MTSS1: variants seen among roughly 807,000 people sequenced by gnomAD.
The protein encoded by MTSS1 is MTSS I-BAR domain containing 1.
MTSS1 carries 18 observed loss-of-function variants against 79.0 expected under a neutral mutation model. That is an observed-to-expected ratio of 0.23 (90% CI 0.16 to 0.34). The LOEUF is 0.34. MTSS1 is among the 10% of genes least tolerant of loss of function. The pLI is 1.00. For missense variants in MTSS1, 815 were observed against 986.2 expected, an observed-to-expected ratio of 0.83 and a Z score of 2.33; for synonymous variants, 341 against 368.6, an observed-to-expected ratio of 0.93 and a Z score of 0.86.
intron 3 of MTSS1, among the ~76,000 whole-genome samples, chr8:124,674,199 C>T (rs1043683144): frequency 5.3e-5 from 8 of 152,166 alleles, no homozygotes; most frequent in Middle Eastern, 3.4e-3. Context: ...GCCACAATCT[C>T]GGCTCACTGC....
intron 3 of MTSS1, among the ~76,000 whole-genome samples, chr8:124,606,672 G>A (rs879836049): frequency 9.4e-5 from 14 of 148,408 alleles, no homozygotes; most frequent in African/African-American, 3.3e-4. Context: ...CCCCACCCCC[G>A]ATCCTATAAC....
intron 1 of MTSS1, among the ~76,000 whole-genome samples, chr8:124,713,875 G>A (rs767009478): frequency 1.6e-4 from 24 of 151,808 alleles, no homozygotes; most frequent in Non-Finnish European, 3.1e-4. Context: ...AGTCCCCCAA[G>A]TAGCTGGGAC....
chr8:124,589,751 G>T, intron 4 of MTSS1, 40 bp from the exon 5 acceptor site: 1 of 1,331,396 alleles, frequency 7.5e-7, no homozygotes, highest in Non-Finnish European at 1.1e-6. Context: ...AAATTAAATA[G>T]ATACATTCTG....
rs532421276 is a variant in MTSS1 at position 124,624,187 on chromosome 8, G to A, written c.209-32952C>T. Reference sequence around the variant, plus strand: ...AGACTCATATAGGACAGAAGAAGAAGACAGCCCCCGTCCTCAATGAGTGGA... The same window carrying A: ...AGACTCATATAGGACAGAAGAAGAAAACAGCCCCCGTCCTCAATGAGTGGA... On this transcript the variant is annotated intron_variant, in intron 3 of 13. Transcript: ENST00000518547. 8.5e-5 allele frequency among the ~76,000 whole-genome samples: 13 copies of A among 152,328 alleles called. No homozygotes were observed. In the South Asian group the frequency reaches 2.7e-3, roughly 32 times the overall value.
At chr8:124,657,825 A>G (rs1164326390) in intron 3 of MTSS1, among the ~76,000 whole-genome samples, 1 of 152,186 alleles carries the variant, frequency 6.6e-6, no homozygotes, top group African/African-American at 2.4e-5. Context: ...AAGCTTTATA[A>G]AATGAAGTCC....
At chr8:124,705,181 G>A (rs1425828366) in intron 1 of MTSS1, among the ~76,000 whole-genome samples, 2 of 152,220 alleles carry the variant, frequency 1.3e-5, no homozygotes, top group East Asian at 3.9e-4. Flanking sequence ...TTTAAGTACA[G>A]AACTAAGGGC....
In MTSS1 at chr8:124,597,037, C is replaced by T. The variant is rs1366364967; in HGVS notation, c.209-5802G>A. 1.3e-5 allele frequency among the ~76,000 whole-genome samples: 2 copies of T among 152,186 alleles called. No individual in the cohort carries two copies. Among genetic ancestry groups the T allele is most frequent in the East Asian group, 1.9e-4 (1 of 5,198 alleles). ...GCCAGGGATTAGGACATCAACCTAT[C>T]TTTCTGGGGGTGCGCCGCAGTCCAC... On this transcript the variant is annotated intron_variant, in intron 3 of 13. Transcript: ENST00000518547. This position sits in a 1 kb window ranked among gnomAD's most constrained non-coding sequence, Gnocchi z 4.6.
intron 3 of MTSS1, among the ~76,000 whole-genome samples, chr8:124,595,768 TA>T (rs930330272): frequency 1.3e-5 from 2 of 151,880 alleles, no homozygotes; most frequent in Non-Finnish European, 2.9e-5. Flanking sequence ...TCATGGCCAT[TA>T]AAAAAAGGTA....
chr8:124,657,475 C>CAAA (rs58258455), intron 3 of MTSS1, among the ~76,000 whole-genome samples: 1,134 of 106,960 alleles, frequency 0.011, 17 homozygotes, highest in African/African-American at 0.035. Flanking sequence ...GCAGAGTCAG[C>CAAA]AAAAAAAAAA....
chr8:124,728,285 A>C lies in MTSS1; in HGVS notation c.-330T>G. The C allele has an allele frequency of 1.8e-5, 4 of 218,224 alleles. No homozygotes were observed. Among genetic ancestry groups the C allele is most frequent in the East Asian group, 9.4e-5 (1 of 10,648 alleles). 13.5% of individuals were successfully genotyped at this position (218,224 alleles called of 1,614,324 possible). On this transcript the variant is annotated 5_prime_UTR_variant, in exon 1 of 14. Transcript: ENST00000518547. The surrounding 1 kb of genome is among the most constrained non-coding windows in gnomAD (Gnocchi z 6.1). ...CAAAGCCCATCTTGATGCAGAGAAA[A>C]TCGCCCGCTGACCCGGGGCCAGCGC...
intron 3 of MTSS1, among the ~76,000 whole-genome samples, chr8:124,603,205 T>C (rs1290813151): frequency 1.3e-5 from 2 of 152,192 alleles, no homozygotes; most frequent in East Asian, 3.9e-4. Flanking sequence ...TTTGTATTTT[T>C]AGTAGAGATG....
At chr8:124,617,603 G>A (rs574354554) in intron 3 of MTSS1, among the ~76,000 whole-genome samples, 4 of 152,150 alleles carry the variant, frequency 2.6e-5, no homozygotes, top group African/African-American at 7.2e-5. Context: ...TTCACAGGGC[G>A]AGAGGGGTGC....
At chr8:124,691,882 G>C (rs184411236) in intron 3 of MTSS1, among the ~76,000 whole-genome samples, 1 of 152,132 alleles carries the variant, frequency 6.6e-6, no homozygotes, top group African/African-American at 2.4e-5. Context: ...AATATTCAAA[G>C]AATTTTCAGT....
At chr8:124,632,718 AG>A (rs1270645024) in intron 3 of MTSS1, among the ~76,000 whole-genome samples, 1 of 152,158 alleles carries the variant, frequency 6.6e-6, no homozygotes, top group African/African-American at 2.4e-5. Flanking sequence ...CCCAGGCTGG[AG>A]TGCAGTTGCA....
At chr8:124,705,927 T>G (rs1830320616) in intron 1 of MTSS1, among the ~76,000 whole-genome samples, 1 of 152,166 alleles carries the variant, frequency 6.6e-6, no homozygotes, top group African/African-American at 2.4e-5. Flanking sequence ...AATGGGACAT[T>G]GCCAGATGGC....
At chr8:124,696,816 A>G (rs1828908327) in intron 3 of MTSS1, among the ~76,000 whole-genome samples, 1 of 151,198 alleles carries the variant, frequency 6.6e-6, no homozygotes, top group Admixed American at 6.6e-5. Flanking sequence ...GTGCCACTGC[A>G]TTCCAGCCTG....
Position 124,553,544 on chromosome 8 carries a change from G to A in MTSS1, c.1716C>T (p.Gly572=). Residue 572 remains glycine, a synonymous_variant, in exon 14 of 14, where the codon GGC becomes GGT. Transcript: ENST00000518547. This position sits in a 1 kb window ranked among gnomAD's most constrained non-coding sequence, Gnocchi z 6.0. ...TAGCAGGTCCCAGGGTGGTGGGGAG[G>A]CCAGCAGTTGAGGCTGGACGCTTGG... ...FQAKRPASTA[G]LPTTLGPAMV... The A allele has an allele frequency of 6.2e-7, 1 of 1,614,158 alleles. No individual in the cohort carries two copies. The highest frequency in any genetic ancestry group is 8.5e-7 in the Non-Finnish European group (1 of 1,180,018).
In MTSS1 at chr8:124,725,984, C is replaced by CA. The variant is rs10708437; in HGVS notation, c.72+1899dup. 2.9e-3 allele frequency among the ~76,000 whole-genome samples: 427 copies of CA among 149,100 alleles called. 3 individuals carry two copies. Among genetic ancestry groups the CA allele is most frequent in the African/African-American group, 7.6e-3 (311 of 40,766 alleles). On this transcript the variant is annotated intron_variant, in intron 1 of 13. Transcript: ENST00000518547. Reference sequence around the variant, plus strand: ...AATTTTACTGCCAAAACAAACAAACCAAAAAAAAAAAACTTTAAAATAAAT... The same window carrying CA: ...AATTTTACTGCCAAAACAAACAAACCAAAAAAAAAAAAACTTTAAAATAAAT...
chr8:124,631,924 G>A (rs1020544210), intron 3 of MTSS1, among the ~76,000 whole-genome samples: 8 of 152,186 alleles, frequency 5.3e-5, no homozygotes, highest in African/African-American at 1.7e-4. Flanking sequence ...TGGGCCTGCT[G>A]CTGATGATGG....
Sources: allele counts gnomAD v4.1 joint callset (sites outside exome capture counted in the v4.1 genomes callset), GRCh38; gene constraint gnomAD v4.1.1; non-coding constraint Gnocchi (gnomAD v3.1); transcripts MANE v1.5; gene names NCBI Gene and HGNC (gene_info 2026-07-23, HGNC 2026-07-21).